SEC24B: variants seen among roughly 807,000 people sequenced by gnomAD.
The protein encoded by SEC24B is SEC24 homolog B, COPII component, also known as protein transport protein Sec24B.
A neutral mutation model predicts 142.8 loss-of-function variants in SEC24B; 45 were observed. That is an observed-to-expected ratio of 0.32 (90% CI 0.25 to 0.40). SEC24B has a LOEUF of 0.40. Among genes scored for constraint, SEC24B ranks in the 10% least tolerant of loss-of-function variants. The pLI is 1.00. For synonymous variants in SEC24B, 574 were observed against 568.2 expected (o/e 1.01, Z -0.15); for missense variants, 1,409 against 1,526.8 (o/e 0.92, Z 1.29).
intron 11 of SEC24B, among the ~76,000 whole-genome samples, chr4:109,517,914 A>G (rs1007067519): frequency 2.0e-5 from 3 of 151,900 alleles, no homozygotes; most frequent in African/African-American, 7.3e-5. Flanking sequence ...ATATGTTAGG[A>G]AGCGAGAAAC....
chr4:109,498,578 A>G (rs1199060732), intron 6 of SEC24B, among the ~76,000 whole-genome samples: 2 of 152,194 alleles, frequency 1.3e-5, no homozygotes, highest in South Asian at 4.2e-4. Context: ...GTTAGCCAGG[A>G]TGGTCTGGAT....
At chr4:109,512,280 G>C (rs1446127836) in intron 9 of SEC24B, among the ~76,000 whole-genome samples, 197 bp downstream of exon 9, 1 of 152,198 alleles carries the variant, frequency 6.6e-6, no homozygotes, top group African/African-American at 2.4e-5. Context: ...ACAATGAGGA[G>C]AGTAACAGTG....
At chr4:109,511,523 A>G (rs546299962) in intron 8 of SEC24B, among the ~76,000 whole-genome samples, 4 of 152,130 alleles carry the variant, frequency 2.6e-5, no homozygotes, top group African/African-American at 9.6e-5. Flanking sequence ...TAGAGATGTA[A>G]TTTTTTTTAA....
In SEC24B at chr4:109,508,345, G is replaced by T. The variant is rs571567014; in HGVS notation, c.1674-1664G>T. Among the ~76,000 whole-genome samples, 7 of 152,132 alleles carry T rather than the reference G, an allele frequency of 4.6e-5. No individual in the cohort carries two copies. The East Asian group carries it at 1.4e-3, about 29-fold the overall frequency. On this transcript the variant is annotated intron_variant, in intron 7 of 23. Transcript: ENST00000265175. ...TTTGGGAAGGCAAGGCAGGTGGATC[G>T]CTTGAGCCCAGGAGTTTGTGACCAG...
chr4:109,457,814 A>G (rs765428911), intron 1 of SEC24B, among the ~76,000 whole-genome samples: 14 of 152,182 alleles, frequency 9.2e-5, no homozygotes, highest in Non-Finnish European at 2.1e-4. Flanking sequence ...TTCTGTATGT[A>G]TATTTTATAA....
rs74869737 is a variant in SEC24B at position 109,468,198 on chromosome 4, T to G, written c.877+4554T>G. ...GCAGTACAAGAGACTATTTTTAGTTTTGGAAACTTGTGTGATTGTAGAGTT... is the reference window on the plus strand; with the variant it reads ...GCAGTACAAGAGACTATTTTTAGTTGTGGAAACTTGTGTGATTGTAGAGTT... On this transcript the variant is annotated intron_variant, in intron 2 of 23. Coordinates refer to ENST00000265175, the MANE Select transcript of SEC24B (RefSeq NM_006323.5). Among the ~76,000 whole-genome samples, 1,004 of 152,380 alleles carry G rather than the reference T, an allele frequency of 6.6e-3. 6 individuals carry two copies. The highest frequency in any genetic ancestry group is 9.8e-3 in the Non-Finnish European group (664 of 68,040).
At chr4:109,457,077 T>G in intron 1 of SEC24B, among the ~76,000 whole-genome samples, 1 of 150,948 alleles carries the variant, frequency 6.6e-6, no homozygotes, top group East Asian at 2.0e-4. Context: ...AAGGCAAATA[T>G]CATCTTAGTA....
intron 1 of SEC24B, among the ~76,000 whole-genome samples, chr4:109,458,305 G>A (rs1301856060): frequency 6.6e-6 from 1 of 151,954 alleles, no homozygotes; most frequent in Non-Finnish European, 1.5e-5. Context: ...CCAATTTTTG[G>A]AATATATTTT....
intron 13 of SEC24B, 66 bp downstream of exon 13, chr4:109,521,238 A>G: frequency 9.0e-7 from 1 of 1,109,312 alleles, no homozygotes; most frequent in Non-Finnish European, 1.3e-6. Flanking sequence ...TAAAATATTT[A>G]ACATTTGTTT....
chr4:109,512,971 CTTTT>C lies in SEC24B; in HGVS notation c.1904-759_1904-756del, dbSNP rs60804973. Among the ~76,000 whole-genome samples the C allele has an allele frequency of 5.2e-3, 542 of 103,612 alleles. 1 individual carries two copies. Among genetic ancestry groups the C allele is most frequent in the African/African-American group, 0.019 (491 of 26,210 alleles). 68.0% of individuals were successfully genotyped at this position (103,612 alleles called of 152,430 possible). ...ATGAGCCACTGCACCTAAGCCTGATCTTTTTTTTTTTTTTTTTTTTGGAGATGGA... is the reference window on the plus strand; with the variant it reads ...ATGAGCCACTGCACCTAAGCCTGATCTTTTTTTTTTTTTTTTGGAGATGGA... On this transcript the variant is annotated intron_variant, in intron 9 of 23. Coordinates refer to ENST00000265175, the MANE Select transcript of SEC24B (RefSeq NM_006323.5).
intron 8 of SEC24B, among the ~76,000 whole-genome samples, chr4:109,510,946 G>A (rs938641048): frequency 1.3e-5 from 2 of 151,974 alleles, no homozygotes; most frequent in African/African-American, 2.4e-5. Flanking sequence ...TCCTTGTGAA[G>A]CTTACTTTAC....
Position 109,476,367 on chromosome 4 carries a change from G to A in SEC24B, c.1060+3181G>A, listed in dbSNP as rs150486431. On this transcript the variant is annotated intron_variant, in intron 3 of 23. Coordinates refer to ENST00000265175, the MANE Select transcript of SEC24B (RefSeq NM_006323.5). ...GAATTTTGGTATTTATGTGAAGTACGTTTTTATTGGAAATACATCTTTCAG... is the reference window on the plus strand; with the variant it reads ...GAATTTTGGTATTTATGTGAAGTACATTTTTATTGGAAATACATCTTTCAG... Among the ~76,000 whole-genome samples, 3 of 152,082 alleles carry A rather than the reference G, an allele frequency of 2.0e-5. No homozygotes were observed. In the East Asian group the frequency reaches 5.8e-4, roughly 29 times the overall value.
chr4:109,466,505 G>C (rs571007232), intron 2 of SEC24B, among the ~76,000 whole-genome samples: 1 of 152,340 alleles, frequency 6.6e-6, no homozygotes, highest in African/African-American at 2.4e-5. Context: ...CCGCCTTCCA[G>C]GTTCATGCCG....
chr4:109,508,989 A>G (rs1034350019), intron 7 of SEC24B, among the ~76,000 whole-genome samples: 1 of 152,230 alleles, frequency 6.6e-6, no homozygotes, highest in East Asian at 1.9e-4. Context: ...TAGTAAATAT[A>G]TAATGTAATG....
rs747534829 is a variant in SEC24B at position 109,494,818 on chromosome 4, A to G, written c.1450A>G (p.Ser484Gly). 3.7e-6 allele frequency: 6 copies of G among 1,614,152 alleles called. No individual in the cohort carries two copies. The highest frequency in any genetic ancestry group is 3.3e-5 in the South Asian group (3 of 91,090). ...TAPLISGVQP[S>G]NPVYSGFQQY... ...ACCACTTATTTCTGGAGTACAGCCC[A>G]GTAACCCGGTATATTCTGGATTCCA... Residue 484 changes from serine to glycine, a missense_variant, in exon 6 of 24, where the codon AGT becomes GGT. Around this residue, in one of 2 missense-constraint regions of SEC24B, gnomAD observed 709 missense variants for 673.5 expected, o/e 1.05. Coordinates refer to ENST00000265175, the MANE Select transcript of SEC24B (RefSeq NM_006323.5).
Position 109,506,240 on chromosome 4 carries a change from T to C in SEC24B, c.1489-88T>C, listed in dbSNP as rs1736669587. The C allele has an allele frequency of 3.1e-6, 3 of 969,634 alleles. No homozygotes were observed. The African/African-American group carries it at 5.1e-5, about 16-fold the overall frequency. 60.1% of individuals were successfully genotyped at this position (969,634 alleles called of 1,614,324 possible). A position where few individuals can be genotyped will look rare whatever the true frequency, so the allele number is the denominator to read the frequency against. ...ATTTAAATTTTCTTACCTTTTTGCT[T>C]TTTCTGTATGTTGAGATATGTAGTA... On this transcript the variant is annotated intron_variant, in intron 6 of 23. Coordinates refer to ENST00000265175, the MANE Select transcript of SEC24B (RefSeq NM_006323.5).
chr4:109,445,270 G>A (rs1729338340), intron 1 of SEC24B, among the ~76,000 whole-genome samples: 1 of 129,724 alleles, frequency 7.7e-6, no homozygotes. Context: ...TTGAGACGGA[G>A]TCTTGTTCTG....
chr4:109,531,649 A>G (rs1176364302), intron 20 of SEC24B, 127 bp downstream of exon 20: 2 of 624,642 alleles, frequency 3.2e-6, no homozygotes, highest in Non-Finnish European at 5.4e-6. Context: ...TTGTGGTAGT[A>G]ATACATTAAA....
At chr4:109,502,496 G>T (rs1736251795) in intron 6 of SEC24B, among the ~76,000 whole-genome samples, 1 of 152,198 alleles carries the variant, frequency 6.6e-6, no homozygotes, top group East Asian at 1.9e-4. Context: ...CATGGAGGTT[G>T]TAAAAAGTGA....
Sources: gnomAD v4.1 joint callset for allele counts (sites outside exome capture counted in the v4.1 genomes callset) on GRCh38, gnomAD v4.1.1 for gene constraint, gnomAD v4.1.1 regional missense constraint, MANE v1.5 for transcripts, NCBI Gene and HGNC (gene_info 2026-07-23, HGNC 2026-07-21) for gene names.